DPH6: variants seen among roughly 807,000 people sequenced by gnomAD.
DPH6 encodes diphthamine biosynthesis 6.
DPH6 carries 33 observed loss-of-function variants against 38.2 expected under a neutral mutation model. The ratio of observed to expected loss-of-function variants is 0.86; its 90% CI spans 0.65 to 1.15. DPH6 has a LOEUF of 1.15. Among genes scored for constraint, DPH6 ranks in the 50% most tolerant of loss-of-function variants. The probability of loss-of-function intolerance (pLI) is 0.00; values close to 1 mark genes in which losing one functional copy is unlikely to be tolerated. For missense variants in DPH6, 325 were observed against 320.0 expected, an observed-to-expected ratio of 1.02 and a Z score of -0.12; for synonymous variants, 108 against 103.0, an observed-to-expected ratio of 1.05 and a Z score of -0.30.
chr15:35,297,649 T>C (rs1869616677), intron 3 of DPH6, among the ~76,000 whole-genome samples: 1 of 152,122 alleles, frequency 6.6e-6, no homozygotes, highest in Admixed American at 6.5e-5. Flanking sequence ...ACTCAGTTCC[T>C]AGACTTTAAT....
At chr15:35,490,194 C>T in intron 3 of DPH6, 1 of 984,960 alleles carries the variant, frequency 1.0e-6, no homozygotes. Context: ...CTTTCTTACT[C>T]TTCCTAAAGG....
the DPH6 span, among the ~76,000 whole-genome samples, chr15:35,206,231 T>C: frequency 1.3e-5 from 2 of 152,196 alleles, no homozygotes; most frequent in Admixed American, 1.3e-4. Context: ...TTTGGAATGA[T>C]GCCAAACATT....
chr15:35,520,309 CAAAGT>C (rs2054906307), intron 3 of DPH6: 4 of 978,642 alleles, frequency 4.1e-6, no homozygotes, highest in African/African-American at 1.8e-5. Context: ...CATAAAAACT[CAAAGT>C]AAAATAGAAA....
At chr15:35,533,017 G>T (rs1046142505) in intron 3 of DPH6, among the ~76,000 whole-genome samples, 37 of 151,834 alleles carry the variant, frequency 2.4e-4, no homozygotes, top group African/African-American at 8.2e-4. Flanking sequence ...TGAAGCAGGA[G>T]AATTGCTTGA....
intron 3 of DPH6, among the ~76,000 whole-genome samples, chr15:35,278,414 T>C (rs2051873227): frequency 6.6e-6 from 1 of 152,178 alleles, no homozygotes; most frequent in Non-Finnish European, 1.5e-5. Flanking sequence ...AGATAATGTA[T>C]GGGAAAGCCT....
At chr15:35,206,697 C>T in the DPH6 span, among the ~76,000 whole-genome samples, 14 of 152,280 alleles carry the variant, frequency 9.2e-5, no homozygotes, top group Admixed American at 8.5e-4. Flanking sequence ...TAAATTCACA[C>T]ACTGATATGA....
At chr15:35,339,449 C>T (rs1277634983) in intron 3 of DPH6, among the ~76,000 whole-genome samples, 1 of 151,990 alleles carries the variant, frequency 6.6e-6, no homozygotes, top group Non-Finnish European at 1.5e-5. Context: ...TTCAGCCTCC[C>T]TAGTAGCTGG....
the DPH6 span, among the ~76,000 whole-genome samples, chr15:35,173,510 C>T: frequency 6.6e-6 from 1 of 151,926 alleles, no homozygotes; most frequent in Non-Finnish European, 1.5e-5. Flanking sequence ...AATCCATCTG[C>T]CACACTTCAG....
At chr15:35,281,853 C>T (rs191127565) in intron 3 of DPH6, among the ~76,000 whole-genome samples, 9 of 152,268 alleles carry the variant, frequency 5.9e-5, no homozygotes, top group Admixed American at 4.6e-4. Flanking sequence ...CTTTCATTGT[C>T]CCCTGGTCAA....
chr15:35,522,156 G>T (rs1566939325), intron 3 of DPH6: 4 of 1,613,344 alleles, frequency 2.5e-6, no homozygotes, highest in Non-Finnish European at 3.4e-6. Context: ...CAAACTTGCT[G>T]TGAGTGCACA....
At chr15:35,426,832 T>G (rs886635974) in intron 5 of DPH6, among the ~76,000 whole-genome samples, 3 of 150,498 alleles carry the variant, frequency 2.0e-5, no homozygotes, top group Admixed American at 2.0e-4. Flanking sequence ...TGTGACATTA[T>G]CTGAAAGGTC....
chr15:35,277,476 A>G (rs915818522), intron 3 of DPH6, among the ~76,000 whole-genome samples: 2 of 152,136 alleles, frequency 1.3e-5, no homozygotes, highest in African/African-American at 4.8e-5. Flanking sequence ...AGCAAGAACT[A>G]ATACTGAAAA....
Position 35,510,878 on chromosome 15 carries a change from T to C in DPH6, c.312+27396A>G, listed in dbSNP as rs1018228027. ...TAAATCAAAGAAAAGTGAGGAAACA[T>C]GACAAATTAGGTTTTAAAAGAAAAT... On this transcript the variant is annotated intron_variant, in intron 3 of 8. Coordinates refer to ENST00000256538, the MANE Select transcript of DPH6 (RefSeq NM_080650.4). 2.0e-5 allele frequency among the ~76,000 whole-genome samples: 3 copies of C among 152,160 alleles called. No homozygotes were observed. The East Asian group carries it at 5.8e-4, about 29-fold the overall frequency.
chr15:35,461,803 G>C (rs1275206415), intron 3 of DPH6, among the ~76,000 whole-genome samples: 6 of 151,876 alleles, frequency 4.0e-5, no homozygotes, highest in African/African-American at 1.2e-4. Context: ...GGTTGAAAAA[G>C]AAAAAACAGG....
chr15:35,291,446 C>T (rs957341589), intron 3 of DPH6, among the ~76,000 whole-genome samples: 1 of 152,108 alleles, frequency 6.6e-6, no homozygotes, highest in Non-Finnish European at 1.5e-5. Flanking sequence ...AAGTGACAAA[C>T]ATCCTAACCT....
chr15:35,232,572 C>A (rs1011310794), intron 3 of DPH6, among the ~76,000 whole-genome samples: 2 of 152,040 alleles, frequency 1.3e-5, no homozygotes, highest in African/African-American at 4.8e-5. Context: ...CAGAGCAATA[C>A]TCCGTGTCAA....
At chr15:35,419,024 G>T (rs1216615050) in intron 5 of DPH6, among the ~76,000 whole-genome samples, 1 of 150,606 alleles carries the variant, frequency 6.6e-6, no homozygotes, top group Non-Finnish European at 1.5e-5. Context: ...CTGGATACAA[G>T]AACTGAATAC....
chr15:35,260,678 AT>A (rs2051740943), intron 3 of DPH6, among the ~76,000 whole-genome samples: 1 of 152,008 alleles, frequency 6.6e-6, no homozygotes, highest in Admixed American at 6.5e-5. Context: ...ACAAATTTTC[AT>A]TTATTTTACC....
chr15:35,401,376 T>C (rs925347422), intron 6 of DPH6: 6 of 749,902 alleles, frequency 8.0e-6, no homozygotes, highest in Admixed American at 5.5e-5. Flanking sequence ...GCAGTGGGAA[T>C]GGCTATAATG....
Sources: gnomAD v4.1 joint callset for allele counts (sites outside exome capture counted in the v4.1 genomes callset) on GRCh38, gnomAD v4.1.1 for gene constraint, MANE v1.5 for transcripts, NCBI Gene and HGNC (gene_info 2026-07-23, HGNC 2026-07-21) for gene names.